The following RFX1 variants were observed in gnomAD, a reference collection of about 807,000 sequenced individuals.
RFX1 encodes the protein regulatory factor X1, also known as MHC class II regulatory factor RFX1.
RFX1 carries 42 observed loss-of-function variants against 119.6 expected under a neutral mutation model. The observed-to-expected ratio is 0.35, with a 90% CI of 0.27 to 0.45. RFX1 has a LOEUF of 0.45. RFX1 is among the 20% of genes least tolerant of loss of function. The probability of loss-of-function intolerance (pLI) is 1.00; values close to 1 mark genes in which losing one functional copy is unlikely to be tolerated. For missense variants in RFX1, 1,118 were observed against 1,368.1 expected (o/e 0.82, Z 2.88); for synonymous variants, 628 against 618.5 (o/e 1.02, Z -0.23).
Position 13,962,551 on chromosome 19 carries a change from G to A in RFX1, c.*144C>T. The A allele has an allele frequency of 1.5e-6, 1 of 661,418 alleles. No individual in the cohort carries two copies. The highest frequency in any genetic ancestry group is 2.4e-6 in the Non-Finnish European group (1 of 409,704). 41.0% of individuals were successfully genotyped at this position (661,418 alleles called of 1,614,324 possible). On this transcript the variant is annotated 3_prime_UTR_variant, in exon 21 of 21. Coordinates refer to ENST00000254325, the MANE Select transcript of RFX1 (RefSeq NM_002918.5). ...CACTGATTGTGCCGGCCCCATAAGG[G>A]AGGAGGGCCCCGGTCTTCCCTGTCT... is the stretch of plus-strand genomic sequence containing the variant.
At chr19:13,977,889 G>T in intron 8 of RFX1, 103 bp downstream of exon 8, 1 of 881,582 alleles carries the variant, frequency 1.1e-6, no homozygotes, top group Non-Finnish European at 1.8e-6. Context: ...CTTGAAGGCC[G>T]GATGGCCTGC....
chr19:13,993,957 AG>A (rs1159491295), intron 1 of RFX1, 62 bp from the exon 2 acceptor site: 11 of 951,714 alleles, frequency 1.2e-5, no homozygotes, highest in Non-Finnish European at 1.7e-5. Flanking sequence ...AAGGAAAAAC[AG>A]GAATTAATCC....
At chr19:14,004,873 T>C (rs1473609153) in intron 1 of RFX1, among the ~76,000 whole-genome samples, 3 of 152,106 alleles carry the variant, frequency 2.0e-5, no homozygotes, top group Admixed American at 6.6e-5. Flanking sequence ...GGCAGGATAT[T>C]GTCACCCTAA....
rs751519337 is a variant in RFX1, at chr19:13,963,277, T to TG, written c.2571-3dup. ...GTCAGGTCCCGGATCACCATGGAGC[T>TG]GGGGATGGAGACGGAGAGGAGACCG... On this transcript the variant is annotated splice_region_variant and splice_polypyrimidine_tract_variant and intron_variant, in intron 18 of 20. Coordinates refer to ENST00000254325, the MANE Select transcript of RFX1 (RefSeq NM_002918.5). The TG allele has an allele frequency of 6.2e-7, 1 of 1,607,896 alleles. No individual in the cohort carries two copies. Among genetic ancestry groups the TG allele is most frequent in the African/African-American group, 1.3e-5 (1 of 74,844 alleles).
chr19:13,967,881 G>A (rs1437507187), intron 12 of RFX1, among the ~76,000 whole-genome samples: 1 of 152,152 alleles, frequency 6.6e-6, no homozygotes, highest in Non-Finnish European at 1.5e-5. Flanking sequence ...AAAGCGAGTG[G>A]GCCTCACAGG....
intron 1 of RFX1, among the ~76,000 whole-genome samples, chr19:14,002,603 G>T (rs983410772): frequency 6.6e-6 from 1 of 152,222 alleles, no homozygotes; most frequent in Non-Finnish European, 1.5e-5. Context: ...CTGCTAGTGA[G>T]CATCAAAGGC....
chr19:13,975,944 G>A (rs532853853), intron 8 of RFX1, among the ~76,000 whole-genome samples: 4 of 152,342 alleles, frequency 2.6e-5, no homozygotes, highest in East Asian at 1.9e-4. Context: ...CGATAGCAAC[G>A]ATGAACTAGG....
chr19:13,995,884 C>T (rs1489235902), intron 1 of RFX1, among the ~76,000 whole-genome samples: 5 of 133,678 alleles, frequency 3.7e-5, no homozygotes, highest in Non-Finnish European at 6.2e-5. Context: ...AAAAATTAAA[C>T]GGGAGTGGTG....
chr19:13,963,721 C>A lies in RFX1; in HGVS notation c.2387G>T (p.Cys796Phe). ...CAGCCGCTGCACCACGCGGTCCTCG[C>A]AGCGGCACACCCACGAGGCCTGCTC... is the stretch of plus-strand genomic sequence containing the variant. Reference protein sequence around the residue: ...VQEQASWVCRCEDRVVQRLEQ... With the variant: ...VQEQASWVCRFEDRVVQRLEQ... The change falls in exon 18 of 21, where the codon TGC becomes TTC. Residue 796 changes from cysteine to phenylalanine, a missense_variant. Physicochemically the swap from Cys to Phe is radical, Grantham distance 205 (BLOSUM62 -2). Around this residue, in one of 5 missense-constraint regions of RFX1, gnomAD observed 68 missense variants for 67.2 expected, o/e 1.01. Coordinates refer to ENST00000254325, the MANE Select transcript of RFX1 (RefSeq NM_002918.5). 1 of 1,599,592 alleles carries A rather than the reference C, an allele frequency of 6.3e-7. No homozygotes were observed. Among genetic ancestry groups the A allele is most frequent in the Non-Finnish European group, 8.5e-7 (1 of 1,175,148 alleles).
chr19:13,975,951 T>G (rs960337604), intron 8 of RFX1, among the ~76,000 whole-genome samples: 2 of 152,170 alleles, frequency 1.3e-5, no homozygotes, highest in African/African-American at 4.8e-5. Flanking sequence ...AACGATGAAC[T>G]AGGTGCAATC....
chr19:13,963,281 G>A lies in RFX1; in HGVS notation c.2571-6C>T, dbSNP rs370425816. 5.6e-6 allele frequency: 9 copies of A among 1,606,122 alleles called. No individual in the cohort carries two copies. Among genetic ancestry groups the A allele is most frequent in the African/African-American group, 5.3e-5 (4 of 74,792 alleles). On this transcript the variant is annotated splice_polypyrimidine_tract_variant and splice_region_variant and intron_variant, in intron 18 of 20. Coordinates refer to ENST00000254325, the MANE Select transcript of RFX1 (RefSeq NM_002918.5). ...GGTCCCGGATCACCATGGAGCTGGG[G>A]ATGGAGACGGAGAGGAGACCGTCAG...
chr19:13,999,105 G>T (rs2145637629), intron 1 of RFX1, among the ~76,000 whole-genome samples: 1 of 152,268 alleles, frequency 6.6e-6, no homozygotes, highest in Non-Finnish European at 1.5e-5. Context: ...ACCTTTTAAG[G>T]AGACTACATT....
At position 13,965,599 on chromosome 19, in the gene RFX1, G is replaced by A. The variant is rs367636146; in HGVS notation, c.2113+27C>T. ...GGCAGGGCGGGTGTATGTGGGGCAG[G>A]GGATGCCGAGCAGGCCGAGCACTCA... On this transcript the variant is annotated intron_variant, in intron 15 of 20. Coordinates refer to ENST00000254325, the MANE Select transcript of RFX1 (RefSeq NM_002918.5). This position sits in a 1 kb window ranked among gnomAD's most constrained non-coding sequence, Gnocchi z 4.7. 5.0e-6 allele frequency: 8 copies of A among 1,612,444 alleles called. No homozygotes were observed. In the African/African-American group the frequency reaches 8.0e-5, roughly 16 times the overall value.
chr19:13,972,818 G>A lies in RFX1; in HGVS notation c.1239C>T (p.Tyr413=), dbSNP rs150662861. The change falls in exon 9 of 21, where the codon TAC becomes TAT. Residue 413 remains tyrosine (Y), a synonymous_variant. Transcript: ENST00000254325. Reference sequence around the variant, plus strand: ...CCAGCATGTAGCCGCCTTGGATCACGTAGGTGCCTGCTCCGCTGCCGCCGC... The same window carrying A: ...CCAGCATGTAGCCGCCTTGGATCACATAGGTGCCTGCTCCGCTGCCGCCGC... ...TGGGGSGAGT[Y]VIQGGYMLGS... 310 of 1,605,372 alleles carry A rather than the reference G, an allele frequency of 1.9e-4. 1 individual carries two copies. In the African/African-American group the frequency reaches 3.3e-3, roughly 17 times the overall value.
intron 12 of RFX1, among the ~76,000 whole-genome samples, chr19:13,967,010 G>T (rs373054951): frequency 6.6e-6 from 1 of 152,114 alleles, no homozygotes; most frequent in African/African-American, 2.4e-5. Context: ...CCCTCAGGAC[G>T]TGGGCCTCTG....
At chr19:13,987,190 A>C (rs1364120592) in intron 2 of RFX1, among the ~76,000 whole-genome samples, 3 of 151,982 alleles carry the variant, frequency 2.0e-5, no homozygotes, top group Non-Finnish European at 2.9e-5. Flanking sequence ...TCACCTTCCC[A>C]GGAGTGGCTG....
At chr19:13,979,991 C>CG (rs1037043209) in intron 6 of RFX1, among the ~76,000 whole-genome samples, 2 of 151,544 alleles carry the variant, frequency 1.3e-5, no homozygotes, top group African/African-American at 2.4e-5. Flanking sequence ...TCTGGAGGTT[C>CG]GGGGGGGCTC....
In RFX1 at chr19:13,968,488, C is replaced by T. The variant is rs1294557341; in HGVS notation, c.1732+77G>A. 19 of 1,219,402 alleles carry T rather than the reference C, an allele frequency of 1.6e-5. No individual in the cohort carries two copies. Among genetic ancestry groups the T allele is most frequent in the African/African-American group, 5.9e-5 (4 of 67,514 alleles). 75.5% of individuals were successfully genotyped at this position (1,219,402 alleles called of 1,614,324 possible). A position where few individuals can be genotyped will look rare whatever the true frequency, so the allele number is the denominator to read the frequency against. ...CCTCCCCAGCTCAGAGGCTGCCTGCCGCCATCCAGCTTTGGGAACCGTCTG... is the reference window on the plus strand; with the variant it reads ...CCTCCCCAGCTCAGAGGCTGCCTGCTGCCATCCAGCTTTGGGAACCGTCTG... On this transcript the variant is annotated intron_variant, in intron 12 of 20. Transcript: ENST00000254325. This position sits in a 1 kb window ranked among gnomAD's most constrained non-coding sequence, Gnocchi z 5.5.
intron 2 of RFX1, among the ~76,000 whole-genome samples, chr19:13,988,382 T>C (rs1357897882): frequency 1.3e-5 from 2 of 152,116 alleles, no homozygotes; most frequent in African/African-American, 4.8e-5. Context: ...GTGGAAGGAC[T>C]TGGGGAGTGG....
Sources: allele counts gnomAD v4.1 joint callset (sites outside exome capture counted in the v4.1 genomes callset), GRCh38; gene constraint gnomAD v4.1.1; regional missense constraint gnomAD v4.1.1; non-coding constraint Gnocchi (gnomAD v3.1); transcripts MANE v1.5; gene names NCBI Gene and HGNC (gene_info 2026-07-23, HGNC 2026-07-21).